GARNL3: variants seen among roughly 807,000 people sequenced by gnomAD.
The protein encoded by GARNL3 is GTPase-activating Rap/Ran-GAP domain-like protein 3.
A neutral mutation model predicts 125.0 loss-of-function variants in GARNL3; 63 were observed. That is an observed-to-expected ratio of 0.50 (90% CI 0.41 to 0.62). GARNL3 has a LOEUF of 0.62. Ranked by LOEUF, GARNL3 falls within the 20% of genes least tolerant of loss-of-function variation. The pLI is 0.00. For synonymous variants in GARNL3, 439 were observed against 457.5 expected (o/e 0.96, Z 0.52); for missense variants, 994 against 1,244.0 (o/e 0.80, Z 3.02).
intron 2 of GARNL3, among the ~76,000 whole-genome samples, chr9:127,311,124 C>A (rs2039406): frequency 2.6e-5 from 4 of 151,684 alleles, no homozygotes; most frequent in Non-Finnish European, 5.9e-5. Flanking sequence ...GCCAATAACA[C>A]AGGATTATAT....
intron 16 of GARNL3, 119 bp from the exon 17 acceptor site, chr9:127,348,805 C>T (rs774143545): frequency 3.5e-5 from 22 of 633,070 alleles, no homozygotes; most frequent in African/African-American, 2.8e-4. Context: ...GGAGTGACTC[C>T]GCTCCCACGG....
chr9:127,343,873 T>C (rs1564160477), intron 14 of GARNL3, among the ~76,000 whole-genome samples: 1 of 152,200 alleles, frequency 6.6e-6, no homozygotes, highest in Non-Finnish European at 1.5e-5. Context: ...ACTGTTCTCA[T>C]AGAATTCAGT....
chr9:127,277,491 T>C (rs1564873056), intron 1 of GARNL3, among the ~76,000 whole-genome samples: 2 of 151,530 alleles, frequency 1.3e-5, no homozygotes, highest in African/African-American at 4.9e-5. Context: ...TTCCCTAATG[T>C]ACAGCTCTGG....
At chr9:127,276,930 G>A (rs1039168619) in intron 1 of GARNL3, among the ~76,000 whole-genome samples, 1 of 152,194 alleles carries the variant, frequency 6.6e-6, no homozygotes, top group African/African-American at 2.4e-5. Flanking sequence ...CCATCTTACA[G>A]ATGAGTTAAC....
At chr9:127,289,050 C>T (rs1250487430) in intron 1 of GARNL3, among the ~76,000 whole-genome samples, 1 of 152,224 alleles carries the variant, frequency 6.6e-6, no homozygotes, top group East Asian at 1.9e-4. Context: ...TAACACTCTA[C>T]CTGAAATCTA....
chr9:127,303,847 C>T (rs541560492), intron 2 of GARNL3, among the ~76,000 whole-genome samples: 6 of 152,070 alleles, frequency 3.9e-5, no homozygotes, highest in Admixed American at 1.3e-4. Flanking sequence ...AGTCTTCCTC[C>T]GTCACATCCC....
At chr9:127,338,860 C>T (rs1829696018) in intron 12 of GARNL3, among the ~76,000 whole-genome samples, 1 of 152,198 alleles carries the variant, frequency 6.6e-6, no homozygotes, top group African/African-American at 2.4e-5. Flanking sequence ...TCGGCCCTGG[C>T]AGACCAGAGA....
intron 17 of GARNL3, chr9:127,353,550 A>G: frequency 3.9e-6 from 1 of 257,544 alleles, no homozygotes; most frequent in South Asian, 5.0e-5. Context: ...GTATTGAGAG[A>G]TGTTGCTTTT....
chr9:127,224,967 G>T (rs2062875120), intron 1 of GARNL3, among the ~76,000 whole-genome samples: 1 of 142,550 alleles, frequency 7.0e-6, no homozygotes, highest in Admixed American at 6.8e-5. Context: ...GGCTGAGGGC[G>T]CGGGGGAAGC....
intron 7 of GARNL3, 26 bp downstream of exon 7, chr9:127,325,121 C>T: frequency 6.2e-7 from 1 of 1,604,016 alleles, no homozygotes; most frequent in Non-Finnish European, 8.5e-7. Context: ...GAGATATTTG[C>T]ACCTGCTCTG....
intron 1 of GARNL3, among the ~76,000 whole-genome samples, chr9:127,287,159 G>A (rs866246206): frequency 6.6e-6 from 1 of 152,162 alleles, no homozygotes; most frequent in African/African-American, 2.4e-5. Flanking sequence ...CTAGGGAAAT[G>A]GGGTCTAGCT....
chr9:127,277,442 C>T (rs900597615), intron 1 of GARNL3, among the ~76,000 whole-genome samples: 4 of 150,326 alleles, frequency 2.7e-5, no homozygotes, highest in Non-Finnish European at 5.9e-5. Flanking sequence ...TTAACCTAAT[C>T]CTGGGAGCTT....
chr9:127,231,040 A>ATTT lies in GARNL3; in HGVS notation c.-29+6703_-29+6704insTTT, dbSNP rs1376359454. On this transcript the variant is annotated intron_variant, in intron 1 of 10. Transcript: ENST00000439286. ...TATACATATATGTATATATACATAT[A>ATTT]TATATATATATTTTTTTTTTTTTTT... Among the ~76,000 whole-genome samples the ATTT allele has an allele frequency of 1.6e-3, 76 of 46,332 alleles. 1 individual carries two copies. The highest frequency in any genetic ancestry group is 2.4e-3 in the Admixed American group (8 of 3,354). 30.4% of individuals were successfully genotyped at this position (46,332 alleles called of 152,430 possible).
chr9:127,339,188 T>C (rs1167396565), intron 12 of GARNL3, among the ~76,000 whole-genome samples: 2 of 151,848 alleles, frequency 1.3e-5, no homozygotes, highest in African/African-American at 4.8e-5. Flanking sequence ...TCCCAGCTAC[T>C]TGGGAGGCTG....
intron 2 of GARNL3, among the ~76,000 whole-genome samples, chr9:127,248,664 G>A (rs528731617): frequency 3.4e-4 from 45 of 130,456 alleles, no homozygotes; most frequent in South Asian, 9.8e-4. Context: ...CTGGAGTGCA[G>A]TGGTGTGATC....
intron 22 of GARNL3, among the ~76,000 whole-genome samples, chr9:127,366,367 C>T (rs1353322971): frequency 1.3e-5 from 2 of 152,198 alleles, no homozygotes; most frequent in Non-Finnish European, 2.9e-5. Flanking sequence ...CTCCTCAGAA[C>T]AGCAGGTCTT....
chr9:127,390,216 C>A (rs1464434373), intron 26 of GARNL3, among the ~76,000 whole-genome samples: 1 of 152,170 alleles, frequency 6.6e-6, no homozygotes, highest in Non-Finnish European at 1.5e-5. Flanking sequence ...CTAACAAAGT[C>A]CATTGGTTTT....
chr9:127,333,304 C>T (rs565510344), intron 9 of GARNL3, among the ~76,000 whole-genome samples, 183 bp downstream of exon 9: 2 of 152,252 alleles, frequency 1.3e-5, no homozygotes, highest in Admixed American at 6.5e-5. Flanking sequence ...CATTGAGCTT[C>T]GTAAAACTAA....
At chr9:127,241,936 T>TTTGTTG (rs148526680) in intron 1 of GARNL3, among the ~76,000 whole-genome samples, 254 of 150,370 alleles carry the variant, frequency 1.7e-3, no homozygotes, top group Middle Eastern at 0.01. Context: ...CCCGGCCTGG[T>TTTGTTG]TTGTTGTTGT....
Sources: gnomAD v4.1 joint callset for allele counts (sites outside exome capture counted in the v4.1 genomes callset) on GRCh38, gnomAD v4.1.1 for gene constraint, MANE v1.5 for transcripts, NCBI Gene and HGNC (gene_info 2026-07-23, HGNC 2026-07-21) for gene names.